JARID2: variants seen among roughly 807,000 people sequenced by gnomAD.
The protein encoded by JARID2 is protein Jumonji.
JARID2 carries 21 observed loss-of-function variants against 125.6 expected under a neutral mutation model. The observed-to-expected ratio is 0.17, with a 90% CI of 0.12 to 0.24. The LOEUF (loss-of-function observed/expected upper bound fraction) is 0.24, where lower values mean the gene tolerates loss of function less well. Among genes scored for constraint, JARID2 ranks in the 10% least tolerant of loss-of-function variants. JARID2 has a pLI of 1.00. For synonymous variants in JARID2, 736 were observed against 661.6 expected, an observed-to-expected ratio of 1.11 and a Z score of -1.73; for missense variants, 1,303 against 1,639.6, an observed-to-expected ratio of 0.79 and a Z score of 3.55.
chr6:15,374,468 C>T (rs1010886114), intron 2 of JARID2, among the ~76,000 whole-genome samples: 1 of 152,168 alleles, frequency 6.6e-6, no homozygotes, highest in African/African-American at 2.4e-5. Flanking sequence ...GGACAAAATA[C>T]ATTAGTCTGT....
rs139461239 is a variant in JARID2 at position 15,385,550 on chromosome 6, A to C, written c.181+11298A>C. 2.2e-4 allele frequency among the ~76,000 whole-genome samples: 34 copies of C among 151,198 alleles called. No individual in the cohort carries two copies. In the East Asian group the frequency reaches 4.2e-3, roughly 19 times the overall value. On this transcript the variant is annotated intron_variant, in intron 2 of 17. Transcript: ENST00000341776. Reference sequence around the variant, plus strand: ...ATTATTTTATAGATATTTATTATTTATATAGATAATTATCTAATGTGTCTA... The same window carrying C: ...ATTATTTTATAGATATTTATTATTTCTATAGATAATTATCTAATGTGTCTA...
chr6:15,308,285 AG>A (rs11284151), intron 1 of JARID2, among the ~76,000 whole-genome samples: 9,710 of 152,226 alleles, frequency 0.064, 411 homozygotes, highest in South Asian at 0.11. Flanking sequence ...AACTTTTAGA[AG>A]GTGGGCGATT....
At chr6:15,374,740 G>A (rs1017528447) in intron 2 of JARID2, among the ~76,000 whole-genome samples, 6 of 152,166 alleles carry the variant, frequency 3.9e-5, no homozygotes, top group African/African-American at 7.2e-5. Flanking sequence ...CTTCTTCCTG[G>A]ATGATTATCA....
intron 3 of JARID2, among the ~76,000 whole-genome samples, chr6:15,450,876 G>C (rs1561870904): frequency 6.6e-6 from 1 of 152,208 alleles, no homozygotes; most frequent in Non-Finnish European, 1.5e-5. Context: ...GGCTGGGTGT[G>C]GTGGCTCACG....
chr6:15,391,548 CCTAT>C (rs1276668142), intron 2 of JARID2, among the ~76,000 whole-genome samples: 8 of 152,250 alleles, frequency 5.3e-5, no homozygotes, highest in South Asian at 2.1e-4. Context: ...ATTCTTAAGG[CCTAT>C]CTATTTTAGG....
intron 1 of JARID2, among the ~76,000 whole-genome samples, chr6:15,366,905 G>GTT (rs1764000537): frequency 6.6e-6 from 1 of 151,946 alleles, no homozygotes. Context: ...CTATGTCTAT[G>GTT]TTATATTTGT....
chr6:15,494,411 G>GTTTTTTTTTT (rs1169733078), intron 6 of JARID2, among the ~76,000 whole-genome samples: 33 of 32,312 alleles, frequency 1.0e-3, no homozygotes, highest in East Asian at 2.3e-3. Flanking sequence ...TTTTTGGCAA[G>GTTTTTTTTTT]TCTTTTTTTT....
At chr6:15,484,184 G>A (rs1379006340) in intron 5 of JARID2, among the ~76,000 whole-genome samples, 1 of 117,134 alleles carries the variant, frequency 8.5e-6, no homozygotes, top group Non-Finnish European at 1.8e-5. Context: ...GGAAAATTGG[G>A]ATGTGTTTTC....
At chr6:15,301,970 G>A (rs530234965) in intron 1 of JARID2, among the ~76,000 whole-genome samples, 14 of 152,330 alleles carry the variant, frequency 9.2e-5, no homozygotes, top group African/African-American at 3.4e-4. Context: ...TAACAGAAAA[G>A]TATATGTCAA....
rs111424729 is a variant in JARID2 at position 15,376,438 on chromosome 6, T to C, written c.181+2186T>C. Among the ~76,000 whole-genome samples, 903 of 152,250 alleles carry C rather than the reference T, an allele frequency of 5.9e-3. 7 individuals carry two copies. The highest frequency in any genetic ancestry group is 0.021 in the African/African-American group (864 of 41,540). ...GTGCTTTAAGAATCATTATTTTGCTTGGTGCGGTGGTTCATGCCTGTAATC... is the reference window on the plus strand; with the variant it reads ...GTGCTTTAAGAATCATTATTTTGCTCGGTGCGGTGGTTCATGCCTGTAATC... On this transcript the variant is annotated intron_variant, in intron 2 of 17. Coordinates refer to ENST00000341776, the MANE Select transcript of JARID2 (RefSeq NM_004973.4).
intron 4 of JARID2, among the ~76,000 whole-genome samples, chr6:15,455,543 G>T (rs1219950269): frequency 6.6e-6 from 1 of 151,954 alleles, no homozygotes; most frequent in African/African-American, 2.4e-5. Context: ...AGCCAGGTGT[G>T]TTTTTTGAGA....
rs7773046 is a variant in JARID2, at chr6:15,434,861, G to A, written c.324-17145G>A. ...AGTCTATATAACTCATGAAATTTTT[G>A]CTTTCTACTTCTCAAGTAGGTTTGG... On this transcript the variant is annotated intron_variant, in intron 3 of 17. Coordinates refer to ENST00000341776, the MANE Select transcript of JARID2 (RefSeq NM_004973.4). Among the ~76,000 whole-genome samples, 1,098 of 152,244 alleles carry A rather than the reference G, an allele frequency of 7.2e-3. 14 individuals carry two copies. Among genetic ancestry groups the A allele is most frequent in the African/African-American group, 0.025 (1,044 of 41,528 alleles).
intron 1 of JARID2, among the ~76,000 whole-genome samples, chr6:15,337,574 C>T (rs1187085724): frequency 6.6e-6 from 1 of 152,158 alleles, no homozygotes; most frequent in African/African-American, 2.4e-5. Flanking sequence ...CCAATGGAAC[C>T]CCTGCCCGAG....
intron 7 of JARID2, among the ~76,000 whole-genome samples, chr6:15,499,789 C>G (rs573048999): frequency 3.1e-4 from 47 of 152,204 alleles, no homozygotes; most frequent in Non-Finnish European, 6.0e-4. Context: ...GTCCACTGTC[C>G]TGCCATTTAG....
At chr6:15,480,231 G>C (rs890998802) in intron 5 of JARID2, among the ~76,000 whole-genome samples, 1 of 152,040 alleles carries the variant, frequency 6.6e-6, no homozygotes, top group Non-Finnish European at 1.5e-5. Context: ...GGGTTAGTTC[G>C]GTCCCATCTT....
chr6:15,497,320 C>CCAGGA, intron 7 of JARID2, 150 bp downstream of exon 7: 3 of 665,802 alleles, frequency 4.5e-6, no homozygotes, highest in Non-Finnish European at 7.6e-6. Context: ...AGCTCATTCC[C>CCAGGA]CCTGCAGCCC....
chr6:15,465,763 T>C (rs1423284627), intron 4 of JARID2, among the ~76,000 whole-genome samples: 1 of 152,124 alleles, frequency 6.6e-6, no homozygotes, highest in Non-Finnish European at 1.5e-5. Context: ...TTTTATTGGA[T>C]CTTACTGCTG....
At chr6:15,272,717 G>T (rs753245268) in intron 1 of JARID2, among the ~76,000 whole-genome samples, 6 of 152,184 alleles carry the variant, frequency 3.9e-5, no homozygotes, top group South Asian at 2.1e-4. Flanking sequence ...GGTTTATGCA[G>T]CCATAGTCCT....
At chr6:15,508,564 C>G in intron 12 of JARID2, 110 bp downstream of exon 12, 1 of 686,078 alleles carries the variant, frequency 1.5e-6, no homozygotes, top group Non-Finnish European at 2.7e-6. Context: ...TGCTTGAGAA[C>G]TTGCTTCTCT....
Sources: allele counts gnomAD v4.1 joint callset (sites outside exome capture counted in the v4.1 genomes callset), GRCh38; gene constraint gnomAD v4.1.1; transcripts MANE v1.5; gene names NCBI Gene and HGNC (gene_info 2026-07-23, HGNC 2026-07-21).